RANBP2: variants seen among roughly 807,000 people sequenced by gnomAD.
RANBP2 encodes RAN binding protein 2.
A neutral mutation model predicts 303.6 loss-of-function variants in RANBP2; 57 were observed. That is an observed-to-expected ratio of 0.19 (90% CI 0.15 to 0.23). The LOEUF (loss-of-function observed/expected upper bound fraction) is 0.23, where lower values mean the gene tolerates loss of function less well. RANBP2 is among the 10% of genes least tolerant of loss of function. The pLI is 1.00. For synonymous variants in RANBP2, 1,167 were observed against 1,301.5 expected (o/e 0.90, Z 2.23); for missense variants, 3,138 against 3,780.8 (o/e 0.83, Z 4.46).
At chr2:109,191,193 T>C in the RANBP2 span, among the ~76,000 whole-genome samples, 4 of 152,218 alleles carry the variant, frequency 2.6e-5, no homozygotes, top group South Asian at 8.3e-4. Flanking sequence ...AAGGATGCAG[T>C]GATGCCACTG....
the RANBP2 span, among the ~76,000 whole-genome samples, chr2:109,098,188 G>C: frequency 6.6e-6 from 1 of 152,202 alleles, no homozygotes. Flanking sequence ...AAATCTGCCT[G>C]CTCTGGCTAA....
At chr2:108,908,055 TG>T in the RANBP2 span, 46 of 1,575,646 alleles carry the variant, frequency 2.9e-5, no homozygotes, top group Non-Finnish European at 3.4e-5. Flanking sequence ...TAGCAGTGCC[TG>T]GGGGGGCTGC....
At chr2:109,439,950 G>T in the RANBP2 span, among the ~76,000 whole-genome samples, 1 of 152,172 alleles carries the variant, frequency 6.6e-6, no homozygotes, top group Non-Finnish European at 1.5e-5. Context: ...GAAAATAGGA[G>T]GGGGATTGGG....
chr2:109,644,503 T>G, the RANBP2 span, among the ~76,000 whole-genome samples: 46 of 152,242 alleles, frequency 3.0e-4, no homozygotes, highest in African/African-American at 9.6e-4. Context: ...TAAAGAAAAG[T>G]AGTTTGTGTT....
chr2:109,505,375 A>T, the RANBP2 span, among the ~76,000 whole-genome samples: 5 of 152,212 alleles, frequency 3.3e-5, no homozygotes, highest in Admixed American at 6.5e-5. Flanking sequence ...TTACTCTACC[A>T]TAAAAATTAA....
chr2:108,909,618 AG>A, the RANBP2 span, among the ~76,000 whole-genome samples: 1 of 152,218 alleles, frequency 6.6e-6, no homozygotes, highest in African/African-American at 2.4e-5. Flanking sequence ...GAGGCCTGGC[AG>A]GGGGGTCCGA....
At chr2:109,706,294 G>A in the RANBP2 span, among the ~76,000 whole-genome samples, 1 of 152,182 alleles carries the variant, frequency 6.6e-6, no homozygotes, top group Non-Finnish European at 1.5e-5. Context: ...GTCTTATCGG[G>A]AAAGAAGTAA....
the RANBP2 span, among the ~76,000 whole-genome samples, chr2:109,697,921 G>A: frequency 2.7e-5 from 4 of 149,746 alleles, no homozygotes; most frequent in East Asian, 2.0e-4. Flanking sequence ...GTGCAGTGGC[G>A]CAATCTCGGC....
the RANBP2 span, among the ~76,000 whole-genome samples, chr2:109,633,241 A>G: frequency 3.3e-5 from 5 of 152,000 alleles, no homozygotes; most frequent in African/African-American, 1.2e-4. Context: ...AAAAATACAC[A>G]GATTAGCCGG....
At chr2:109,271,645 A>G in the RANBP2 span, among the ~76,000 whole-genome samples, 2 of 152,228 alleles carry the variant, frequency 1.3e-5, no homozygotes, top group African/African-American at 4.8e-5. Flanking sequence ...CCAGGATGCC[A>G]GAAGCCCCAT....
At chr2:108,796,264 C>T in the RANBP2 span, among the ~76,000 whole-genome samples, 1 of 151,908 alleles carries the variant, frequency 6.6e-6, no homozygotes, top group South Asian at 2.1e-4. Flanking sequence ...CTGTGTTAGC[C>T]AGGATGGTCT....
chr2:109,173,739 G>T, the RANBP2 span, among the ~76,000 whole-genome samples: 5 of 152,190 alleles, frequency 3.3e-5, no homozygotes, highest in African/African-American at 9.7e-5. Flanking sequence ...TGTCTAGGGG[G>T]ACCAGGGACT....
At chr2:108,796,040 T>A in the RANBP2 span, among the ~76,000 whole-genome samples, 2 of 152,060 alleles carry the variant, frequency 1.3e-5, no homozygotes, top group African/African-American at 4.8e-5. Flanking sequence ...AGTCTATAGT[T>A]TATTTTTATT....
intron 18 of RANBP2, 93 bp downstream of exon 18, chr2:108,758,641 ATGTT>A: frequency 1.3e-6 from 2 of 1,593,048 alleles, no homozygotes; most frequent in Non-Finnish European, 1.7e-6. Context: ...TTGTTTATAT[ATGTT>A]TGTTAATATA....
chr2:108,908,264 G>A, the RANBP2 span, among the ~76,000 whole-genome samples: 2 of 152,242 alleles, frequency 1.3e-5, no homozygotes, highest in East Asian at 3.9e-4. Flanking sequence ...AGGCGTCTAA[G>A]GGGCTGGGGC....
chr2:108,930,984 G>T, the RANBP2 span: 2 of 1,613,972 alleles, frequency 1.2e-6, no homozygotes, highest in African/African-American at 1.3e-5. Flanking sequence ...GGGAGCCAGG[G>T]CGTCTGCGTG....
At chr2:109,183,753 G>A in the RANBP2 span, among the ~76,000 whole-genome samples, 1 of 152,294 alleles carries the variant, frequency 6.6e-6, no homozygotes, top group Non-Finnish European at 1.5e-5. Flanking sequence ...CAGCAGCTCG[G>A]TCAGGTCAGG....
At chr2:109,109,758 C>T in the RANBP2 span, among the ~76,000 whole-genome samples, 1 of 152,124 alleles carries the variant, frequency 6.6e-6, no homozygotes, top group African/African-American at 2.4e-5. Context: ...AATCCTGATG[C>T]AATTAGGTGA....
the RANBP2 span, chr2:108,791,484 G>C: frequency 3.2e-6 from 2 of 619,834 alleles, no homozygotes; most frequent in Non-Finnish European, 5.9e-6. Context: ...AAAGATGCTT[G>C]TAGTGGGTTA....
Sources: allele counts gnomAD v4.1 joint callset (sites outside exome capture counted in the v4.1 genomes callset), GRCh38; gene constraint gnomAD v4.1.1; transcripts MANE v1.5; gene names NCBI Gene and HGNC (gene_info 2026-07-23, HGNC 2026-07-21).